SOX6: variants seen among roughly 807,000 people sequenced by gnomAD.
SOX6 encodes the protein transcription factor SOX-6.
In SOX6, 11 loss-of-function variants were observed where a neutral mutation model predicts 97.8. That is an observed-to-expected ratio of 0.11 (90% CI 0.07 to 0.19). The LOEUF (loss-of-function observed/expected upper bound fraction) is 0.19, where lower values mean the gene tolerates loss of function less well. Among genes scored for constraint, SOX6 ranks in the 10% least tolerant of loss-of-function variants. The pLI, the probability that SOX6 is intolerant of heterozygous loss-of-function variation, is 1.00. For synonymous variants in SOX6, 360 were observed against 371.4 expected (o/e 0.97, Z 0.35); for missense variants, 810 against 1,039.5 (o/e 0.78, Z 3.04).
intron 4 of SOX6, among the ~76,000 whole-genome samples, chr11:16,529,775 T>TAAAG (rs985934516): frequency 5.3e-5 from 8 of 152,080 alleles, no homozygotes; most frequent in African/African-American, 1.9e-4. Flanking sequence ...CTATTCTAGT[T>TAAAG]GGTGGCACTC....
intron 4 of SOX6, among the ~76,000 whole-genome samples, chr11:16,232,680 A>G (rs919884824): frequency 3.9e-5 from 6 of 152,104 alleles, no homozygotes; most frequent in African/African-American, 1.4e-4. Context: ...TCACATTACT[A>G]AGAGAAAGCA....
intron 4 of SOX6, among the ~76,000 whole-genome samples, chr11:16,208,863 T>C (rs1356577614): frequency 1.3e-5 from 2 of 152,230 alleles, no homozygotes; most frequent in Admixed American, 6.5e-5. Context: ...GATTTTAATA[T>C]CATGTAATAA....
At chr11:16,146,523 G>T (rs1373921154) in intron 6 of SOX6, among the ~76,000 whole-genome samples, 1 of 152,146 alleles carries the variant, frequency 6.6e-6, no homozygotes. Flanking sequence ...AAACTAAAGA[G>T]CTTCTGCACA....
chr11:16,263,812 C>A (rs1177007079), intron 3 of SOX6, among the ~76,000 whole-genome samples: 2 of 151,778 alleles, frequency 1.3e-5, no homozygotes, highest in East Asian at 1.9e-4. Flanking sequence ...TCTTACAGAT[C>A]CTTCATCCAA....
chr11:16,077,835 T>TA (rs560743164), intron 9 of SOX6, among the ~76,000 whole-genome samples: 12 of 151,660 alleles, frequency 7.9e-5, no homozygotes, highest in Non-Finnish European at 1.2e-4. Flanking sequence ...AGGAAGAAGA[T>TA]AAAAAAAATA....
intron 7 of SOX6, among the ~76,000 whole-genome samples, chr11:16,099,410 A>G (rs1327269762): frequency 6.6e-6 from 1 of 151,814 alleles, no homozygotes; most frequent in South Asian, 2.1e-4. Flanking sequence ...TTTTAAAAAA[A>G]TCACAAAACG....
At chr11:16,214,419 G>A (rs950872025) in intron 4 of SOX6, among the ~76,000 whole-genome samples, 4 of 152,086 alleles carry the variant, frequency 2.6e-5, no homozygotes, top group African/African-American at 9.7e-5. Context: ...CTTATACGCT[G>A]ACTCATTTTT....
chr11:16,362,694 G>A (rs1857239877), intron 1 of SOX6, among the ~76,000 whole-genome samples: 1 of 152,090 alleles, frequency 6.6e-6, no homozygotes, highest in South Asian at 2.1e-4. Flanking sequence ...AGCCCATCTA[G>A]AATCTGTTAT....
At chr11:16,206,414 G>C (rs1459645243) in intron 4 of SOX6, among the ~76,000 whole-genome samples, 2 of 152,146 alleles carry the variant, frequency 1.3e-5, no homozygotes, top group East Asian at 3.8e-4. Context: ...TGTAAATTTA[G>C]TGAGTTTTGT....
intron 4 of SOX6, among the ~76,000 whole-genome samples, chr11:16,530,699 A>G (rs1190301009): frequency 1.3e-5 from 2 of 152,020 alleles, no homozygotes; most frequent in African/African-American, 4.8e-5. Flanking sequence ...TCCCAGCTCC[A>G]CACTGATGAA....
intron 3 of SOX6, among the ~76,000 whole-genome samples, chr11:16,245,229 A>ATTTAAATT (rs1326740899): frequency 7.2e-5 from 11 of 151,828 alleles, no homozygotes; most frequent in African/African-American, 2.6e-4. Context: ...TAATTGCCAA[A>ATTTAAATT]TAATTTGAAT....
At chr11:16,056,505 G>C (rs919614451) in intron 9 of SOX6, among the ~76,000 whole-genome samples, 2 of 152,076 alleles carry the variant, frequency 1.3e-5, no homozygotes, top group Non-Finnish European at 2.9e-5. Context: ...TGGCCAGATT[G>C]GTAGCAGTTT....
At chr11:16,678,051 T>A (rs571413939) in intron 3 of SOX6, among the ~76,000 whole-genome samples, 14 of 152,340 alleles carry the variant, frequency 9.2e-5, no homozygotes, top group African/African-American at 3.1e-4. Context: ...TTTTTCCTTA[T>A]CACTCTGACT....
intron 4 of SOX6, among the ~76,000 whole-genome samples, chr11:16,517,130 C>T (rs942304824): frequency 2.1e-5 from 3 of 144,330 alleles, no homozygotes; most frequent in Non-Finnish European, 3.1e-5. Context: ...ATTCAACAAC[C>T]CTTCATGCTA....
chr11:16,081,288 G>A (rs964152337), intron 9 of SOX6, among the ~76,000 whole-genome samples: 1 of 151,966 alleles, frequency 6.6e-6, no homozygotes, highest in African/African-American at 2.4e-5. Context: ...GTGGTGTTGA[G>A]AGTCTTAAGA....
chr11:16,019,378 G>T (rs1164583139), intron 12 of SOX6, among the ~76,000 whole-genome samples: 1 of 152,040 alleles, frequency 6.6e-6, no homozygotes, highest in African/African-American at 2.4e-5. Context: ...CATTTCTAAG[G>T]AGTGTCTGAA....
chr11:16,513,661 A>G (rs1860915840), intron 4 of SOX6, among the ~76,000 whole-genome samples: 1 of 152,098 alleles, frequency 6.6e-6, no homozygotes, highest in Non-Finnish European at 1.5e-5. Context: ...CAAACAAACC[A>G]GCAAACGATG....
At chr11:16,719,899 T>C (rs959458401) in intron 2 of SOX6, among the ~76,000 whole-genome samples, 1 of 152,074 alleles carries the variant, frequency 6.6e-6, no homozygotes, top group Non-Finnish European at 1.5e-5. Context: ...CAGAACAAAA[T>C]TGTCTCAAAA....
intron 12 of SOX6, among the ~76,000 whole-genome samples, chr11:16,041,828 C>T (rs1304640321): frequency 1.3e-5 from 2 of 152,118 alleles, no homozygotes; most frequent in Non-Finnish European, 2.9e-5. Flanking sequence ...ATATGCATAT[C>T]CTGACTTTGT....
Sources: gnomAD v4.1 joint callset for allele counts (sites outside exome capture counted in the v4.1 genomes callset) on GRCh38, gnomAD v4.1.1 for gene constraint, MANE v1.5 for transcripts, NCBI Gene and HGNC (gene_info 2026-07-23, HGNC 2026-07-21) for gene names.